ENTPD1: variants seen among roughly 807,000 people sequenced by gnomAD.
ENTPD1 encodes ectonucleoside triphosphate diphosphohydrolase 1.
ENTPD1 carries 33 observed loss-of-function variants against 57.0 expected under a neutral mutation model. The ratio of observed to expected loss-of-function variants is 0.58; its 90% CI spans 0.44 to 0.77. The LOEUF (loss-of-function observed/expected upper bound fraction) is 0.77, where lower values mean the gene tolerates loss of function less well. ENTPD1 is among the 30% of genes least tolerant of loss of function. ENTPD1 has a pLI of 0.00. For synonymous variants in ENTPD1, 202 were observed against 218.8 expected (o/e 0.92, Z 0.68); for missense variants, 501 against 603.4 (o/e 0.83, Z 1.78).
chr10:95,697,798 C>T, the ENTPD1 span, among the ~76,000 whole-genome samples: 1 of 152,178 alleles, frequency 6.6e-6, no homozygotes, highest in East Asian at 1.9e-4. Context: ...ATAACTTATC[C>T]TGTTTCAGGC....
At chr10:95,758,578 A>G (rs2098040959) in intron 1 of ENTPD1, among the ~76,000 whole-genome samples, 1 of 152,088 alleles carries the variant, frequency 6.6e-6, no homozygotes, top group South Asian at 2.1e-4. Context: ...ATACTTGTCC[A>G]TGCTCCTGCC....
chr10:95,729,726 A>G (rs1051336455), intron 1 of ENTPD1, among the ~76,000 whole-genome samples: 1 of 152,210 alleles, frequency 6.6e-6, no homozygotes, highest in African/African-American at 2.4e-5. Flanking sequence ...GTAGGTAAGA[A>G]TTGACAAATG....
Position 95,791,874 on chromosome 10 carries a change from T to C in ENTPD1, c.17-31363T>C, listed in dbSNP as rs1332546079. On this transcript the variant is annotated intron_variant, in intron 1 of 9. Coordinates refer to ENST00000371205, the MANE Select transcript of ENTPD1 (RefSeq NM_001776.6). This position sits in a 1 kb window ranked among gnomAD's most constrained non-coding sequence, Gnocchi z 4.1. ...AAGGATCCTTTCAACTTTGAGATTT[T>C]TTTTTGGTTTGAAAAAGAGAAATCA... Among the ~76,000 whole-genome samples, 1 of 152,144 alleles carries C rather than the reference T, an allele frequency of 6.6e-6. No homozygotes were observed. The highest frequency in any genetic ancestry group is 2.4e-5 in the African/African-American group (1 of 41,432).
intron 3 of ENTPD1, among the ~76,000 whole-genome samples, chr10:95,841,002 C>G (rs1019357814): frequency 2.6e-5 from 4 of 152,196 alleles, no homozygotes; most frequent in African/African-American, 9.7e-5. Context: ...GACACTTTGG[C>G]CCCATCTGAG....
chr10:95,873,331 A>C lies in ENTPD1; in HGVS notation c.*6948A>C. On this transcript the variant is annotated 3_prime_UTR_variant, in exon 10 of 10. Transcript: ENST00000371205. ...CAAAGCTCACTCCTCTTATACAACA[A>C]TCCAAGTGTTTCTTTTGTCAGTTGT... The C allele has an allele frequency of 1.0e-6, 1 of 985,444 alleles. No individual in the cohort carries two copies. The highest frequency in any genetic ancestry group is 1.2e-6 in the Non-Finnish European group (1 of 829,952). The allele number at this position is 985,444 out of a possible 1,614,324, so 61.0% of individuals were successfully genotyped here.
chr10:95,845,779 C>T (rs959629947), intron 6 of ENTPD1, 183 bp downstream of exon 6: 19 of 875,548 alleles, frequency 2.2e-5, no homozygotes, highest in Non-Finnish European at 3.4e-5. Flanking sequence ...AGTCAGACAT[C>T]CCCTCCCATG....
chr10:95,871,095 T>C lies in ENTPD1; in HGVS notation c.*4712T>C. 1 of 985,476 alleles carries C rather than the reference T, an allele frequency of 1.0e-6. No individual in the cohort carries two copies. Among genetic ancestry groups the C allele is most frequent in the Non-Finnish European group, 1.2e-6 (1 of 829,940 alleles). The allele number at this position is 985,476 out of a possible 1,614,324, so 61.0% of individuals were successfully genotyped here. ...GTCTCCTGTCACTTCTGTCACAGGC[T>C]ATTGTAAGTCATATGAGCAAGCTCA... On this transcript the variant is annotated 3_prime_UTR_variant, in exon 10 of 10. Coordinates refer to ENST00000371205, the MANE Select transcript of ENTPD1 (RefSeq NM_001776.6).
intron 2 of ENTPD1, among the ~76,000 whole-genome samples, chr10:95,834,306 A>G (rs1263955069): frequency 6.6e-6 from 1 of 152,244 alleles, no homozygotes; most frequent in African/African-American, 2.4e-5. Context: ...AAAGATAGAT[A>G]TTAATCAAAT....
chr10:95,756,250 C>T lies in ENTPD1; in HGVS notation c.11C>T (p.Thr4Ile). 1 of 1,592,588 alleles carries T rather than the reference C, an allele frequency of 6.3e-7. No individual in the cohort carries two copies. Among genetic ancestry groups the T allele is most frequent in the Middle Eastern group, 1.7e-4 (1 of 6,042 alleles). Residue 4 changes from threonine (T) to isoleucine (I), a missense_variant, in exon 1 of 10, where the codon ACA becomes ATA. Physicochemically the swap from Thr to Ile is moderately conservative, Grantham distance 89. Coordinates refer to ENST00000371205, the MANE Select transcript of ENTPD1 (RefSeq NM_001776.6). Reference protein sequence around the residue: MEDTKESNVKTFCS... With the variant: MEDIKESNVKTFCS... The stretch of plus-strand genomic sequence containing the variant: ...CAAAAGCTGCTACTTATGGAAGATA[C>T]AAAGGGTAAGACCAAAATTGATTTG...
chr10:95,839,182 C>T (rs181728598), intron 2 of ENTPD1: 1 of 160,234 alleles, frequency 6.2e-6, no homozygotes, highest in East Asian at 1.8e-4. Flanking sequence ...ACATTAGAAT[C>T]ATGTGGGACC....
intron 2 of ENTPD1, among the ~76,000 whole-genome samples, chr10:95,828,033 A>G (rs1401543346): frequency 6.6e-6 from 1 of 152,124 alleles, no homozygotes; most frequent in East Asian, 1.9e-4. Context: ...TCAAGGTCCA[A>G]GTCCTGAGAA....
At chr10:95,720,163 G>T (rs924201304) in intron 1 of ENTPD1, among the ~76,000 whole-genome samples, 1 of 151,604 alleles carries the variant, frequency 6.6e-6, no homozygotes, top group African/African-American at 2.4e-5. Flanking sequence ...GGCCTCGGGT[G>T]TAAGGGGGTA....
intron 1 of ENTPD1, among the ~76,000 whole-genome samples, chr10:95,713,680 T>A (rs951294206): frequency 2.0e-5 from 3 of 152,244 alleles, no homozygotes; most frequent in African/African-American, 7.2e-5. Context: ...CTTGGTTTAA[T>A]ATTTGTGTGA....
At chr10:95,853,954 G>A (rs962121435) in intron 7 of ENTPD1, among the ~76,000 whole-genome samples, 4 of 152,224 alleles carry the variant, frequency 2.6e-5, no homozygotes, top group African/African-American at 9.6e-5. Context: ...CATAAAATGA[G>A]TTAGGGCAGA....
At position 95,876,645 on chromosome 10, in the gene ENTPD1, T is replaced by C; in HGVS notation, c.*10262T>C. ...TGTTTGAAGGATGTATTTGGCTGTC[T>C]TCTGGACAGGCCATTCTAATAACAG... On this transcript the variant is annotated 3_prime_UTR_variant, in exon 10 of 10. Coordinates refer to ENST00000371205, the MANE Select transcript of ENTPD1 (RefSeq NM_001776.6). 2.4e-6 allele frequency: 3 copies of C among 1,228,732 alleles called. No homozygotes were observed. The highest frequency in any genetic ancestry group is 3.0e-6 in the Non-Finnish European group (3 of 986,478). The allele number at this position is 1,228,732 out of a possible 1,614,324, so 76.1% of individuals were successfully genotyped here. A position where few individuals can be genotyped will look rare whatever the true frequency, so the allele number is the denominator to read the frequency against.
chr10:95,795,900 G>A (rs1268431156), intron 1 of ENTPD1, among the ~76,000 whole-genome samples: 1 of 152,038 alleles, frequency 6.6e-6, no homozygotes, highest in Non-Finnish European at 1.5e-5. Context: ...TACTATTCTT[G>A]GAAAGTCAGT....
At position 95,870,931 on chromosome 10, in the gene ENTPD1, G is replaced by A. The variant is rs189750086; in HGVS notation, c.*4548G>A. On this transcript the variant is annotated 3_prime_UTR_variant, in exon 10 of 10. Transcript: ENST00000371205. ...GGCAGCTCTACTTCAGGTGGTAAGGGTGGATCAGACCTATTCCATATACCT... is the reference window on the plus strand; with the variant it reads ...GGCAGCTCTACTTCAGGTGGTAAGGATGGATCAGACCTATTCCATATACCT... 30 of 985,392 alleles carry A rather than the reference G, an allele frequency of 3.0e-5. No individual in the cohort carries two copies. The African/African-American group carries it at 3.7e-4, about 12-fold the overall frequency. The allele number at this position is 985,392 out of a possible 1,614,324, so 61.0% of individuals were successfully genotyped here.
At chr10:95,702,661 C>A in the ENTPD1 span, among the ~76,000 whole-genome samples, 2 of 152,060 alleles carry the variant, frequency 1.3e-5, no homozygotes, top group Non-Finnish European at 2.9e-5. Context: ...AAAACCCAAA[C>A]AAGATAAATT....
At chr10:95,793,605 TG>T (rs2098214628) in intron 1 of ENTPD1, among the ~76,000 whole-genome samples, 1 of 152,198 alleles carries the variant, frequency 6.6e-6, no homozygotes, top group African/African-American at 2.4e-5. Context: ...GAAATGCATA[TG>T]CCCTGGCCTC....
Sources: gnomAD v4.1 joint callset for allele counts (sites outside exome capture counted in the v4.1 genomes callset) on GRCh38, gnomAD v4.1.1 for gene constraint, Gnocchi (gnomAD v3.1) non-coding constraint, MANE v1.5 for transcripts, NCBI Gene and HGNC (gene_info 2026-07-23, HGNC 2026-07-21) for gene names.